MRPS10: variants seen among roughly 807,000 people sequenced by gnomAD.
MRPS10 encodes mitochondrial ribosomal protein S10, also known as small ribosomal subunit protein uS10m.
MRPS10 carries 23 observed loss-of-function variants against 27.5 expected under a neutral mutation model. That is an observed-to-expected ratio of 0.84 (90% confidence interval 0.60 to 1.18). The LOEUF (loss-of-function observed/expected upper bound fraction) is 1.18, where lower values mean the gene tolerates loss of function less well. Among genes scored for constraint, MRPS10 ranks in the 50% most tolerant of loss-of-function variants. The probability of loss-of-function intolerance (pLI) is 0.00; values close to 1 mark genes in which losing one functional copy is unlikely to be tolerated. For synonymous variants in MRPS10, 88 were observed against 84.2 expected, an observed-to-expected ratio of 1.04 and a Z score of -0.25; for missense variants, 237 against 240.1, an observed-to-expected ratio of 0.99 and a Z score of 0.09.
Position 42,208,925 on chromosome 6 carries a change from G to C in MRPS10, c.455C>G (p.Thr152Arg). 1 of 1,609,738 alleles carries C rather than the reference G, an allele frequency of 6.2e-7. No individual in the cohort carries two copies. The highest frequency in any genetic ancestry group is 2.2e-5 in the East Asian group (1 of 44,726). ...AATATATTCCAAGTAGACATCTGCT[G>C]TGCTTCCAGTTAGATGTTCTAACTA... is the stretch of plus-strand genomic sequence containing the variant. ...CLELEHLTGS[T>R]ADVYLEYIQR... is the part of the protein sequence containing the mutation. The change falls in exon 6 of 7, where the codon ACA (threonine) becomes AGA (arginine). Residue 152 changes from threonine (T) to arginine (R), a missense_variant. Coordinates refer to ENST00000053468, the MANE Select transcript of MRPS10 (RefSeq NM_018141.4).
In MRPS10 at chr6:42,216,385, A is replaced by AGTGTGT. The variant is rs1225590522; in HGVS notation, c.48+1411_48+1416dup. 2.8e-3 allele frequency among the ~76,000 whole-genome samples: 167 copies of AGTGTGT among 58,690 alleles called. 4 individuals are homozygous for AGTGTGT. Among genetic ancestry groups the AGTGTGT allele is most frequent in the African/African-American group, 5.9e-3 (132 of 22,494 alleles). The allele number at this position is 58,690 out of a possible 152,430, so 38.5% of individuals were successfully genotyped here. A position where few individuals can be genotyped will look rare whatever the true frequency, so the allele number is the denominator to read the frequency against. ...GAGAGAGAGAGAGAGAGAGAGAGAG[A>AGTGTGT]GTGTGTGTGTGTGTGTGTGTGTGTG... On this transcript the variant is annotated intron_variant, in intron 1 of 6. Coordinates refer to ENST00000053468, the MANE Select transcript of MRPS10 (RefSeq NM_018141.4).
In MRPS10 at chr6:42,209,051, G is replaced by C. The variant is rs1768697025; in HGVS notation, c.433-104C>G. On this transcript the variant is annotated intron_variant, in intron 5 of 6. Coordinates refer to ENST00000053468, the MANE Select transcript of MRPS10 (RefSeq NM_018141.4). The stretch of plus-strand genomic sequence containing the variant: ...GTCTCACTCTGTTGCCTGGGCTGGA[G>C]TGTGTGCAATCTCAGCTCACTGCAA... 5 of 715,988 alleles carry C rather than the reference G, an allele frequency of 7.0e-6. No homozygotes were observed. In the South Asian group the frequency reaches 7.3e-5, roughly 11 times the overall value. 44.4% of individuals were successfully genotyped at this position (715,988 alleles called of 1,614,324 possible).
Position 42,214,311 on chromosome 6 carries a change from C to T in MRPS10, c.82G>A (p.Gly28Ser), listed in dbSNP as rs773491499. ...LGNFSVNTSK[G>S]NTAKNGGLLL... ...AAGCCACCATTTTTGGCTGTATTGC[C>T]CTTAGAAGTGTTTACAGAAAAATTC... The change falls in exon 2 of 7, where the codon GGC becomes AGC. Residue 28 changes from glycine to serine, a missense_variant. Transcript: ENST00000053468. 1.7e-5 allele frequency: 28 copies of T among 1,611,946 alleles called. No homozygotes were observed. Among genetic ancestry groups the T allele is most frequent in the Admixed American group, 3.3e-5 (2 of 59,802 alleles).
In MRPS10 at chr6:42,214,361, T is replaced by C. The variant is rs376273155; in HGVS notation, c.49-17A>G. On this transcript the variant is annotated splice_polypyrimidine_tract_variant and intron_variant, in intron 1 of 6. Coordinates refer to ENST00000053468, the MANE Select transcript of MRPS10 (RefSeq NM_018141.4). ...CCCCAATCCCTAAAGAAAAAAAAAG[T>C]AGGACATGTGTTAGAATTAAAGTCA... 1.9e-6 allele frequency: 3 copies of C among 1,556,966 alleles called. No individual in the cohort carries two copies. Among genetic ancestry groups the C allele is most frequent in the East Asian group, 2.2e-5 (1 of 44,520 alleles).
intron 3 of MRPS10, 32 bp from the exon 4 acceptor site, chr6:42,211,949 T>G (rs202060318): frequency 1.3e-6 from 2 of 1,595,246 alleles, no homozygotes; most frequent in Non-Finnish European, 1.7e-6. Context: ...TCAGTTTTAG[T>G]TCCTCTTCTA....
At chr6:42,217,763 C>T (rs1208940253) in intron 1 of MRPS10, 39 bp downstream of exon 1, 1 of 1,609,314 alleles carries the variant, frequency 6.2e-7, no homozygotes, top group African/African-American at 1.3e-5. Flanking sequence ...AAGCAACTAT[C>T]CCGGTCAGCC....
intron 1 of MRPS10, among the ~76,000 whole-genome samples, chr6:42,216,291 G>A (rs1328477092): frequency 1.3e-5 from 2 of 149,592 alleles, no homozygotes; most frequent in African/African-American, 2.5e-5. Flanking sequence ...CAAAGTGTAG[G>A]GATTACAGGC....
chr6:42,214,018 T>A (rs1277084835), intron 3 of MRPS10, 102 bp downstream of exon 3: 1 of 920,972 alleles, frequency 1.1e-6, no homozygotes, highest in African/African-American at 1.7e-5. Flanking sequence ...AGGACAAAAT[T>A]TTTTTATTCA....
At chr6:42,209,277 C>T (rs971947267) in intron 5 of MRPS10, among the ~76,000 whole-genome samples, 5 of 152,078 alleles carry the variant, frequency 3.3e-5, no homozygotes, top group Non-Finnish European at 1.5e-5. Flanking sequence ...GGATTACAGG[C>T]ATGAGCTACC....
intron 1 of MRPS10, 24 bp from the exon 2 acceptor site, chr6:42,214,368 T>C (rs780671922): frequency 5.8e-6 from 9 of 1,543,184 alleles, no homozygotes; most frequent in South Asian, 1.1e-5. Flanking sequence ...AAGTAGGACA[T>C]GTGTTAGAAT....
chr6:42,208,396 T>C lies in MRPS10; in HGVS notation c.523-24A>G, dbSNP rs766433117. ...GTCTAAAAAAAGAAAGAAACAAAAC[T>C]ATAATGTGGATTTAACAGAACTCTT... is the stretch of plus-strand genomic sequence containing the variant. On this transcript the variant is annotated intron_variant, in intron 6 of 6. Coordinates refer to ENST00000053468, the MANE Select transcript of MRPS10 (RefSeq NM_018141.4). 10 of 1,506,460 alleles carry C rather than the reference T, an allele frequency of 6.6e-6. No individual in the cohort carries two copies. The African/African-American group carries it at 9.7e-5, about 15-fold the overall frequency. 93.3% of individuals were successfully genotyped at this position (1,506,460 alleles called of 1,614,324 possible). A position where few individuals can be genotyped will look rare whatever the true frequency, so the allele number is the denominator to read the frequency against.
rs1039442738 is a variant in MRPS10 at position 42,214,252 on chromosome 6, A to C, written c.113+28T>G. On this transcript the variant is annotated intron_variant, in intron 2 of 6. Transcript: ENST00000053468. ...AATAGCACAAGAACCTATTTTGTTC[A>C]ATTTAGCACATCCAATTGTATACTT... 8.7e-6 allele frequency: 14 copies of C among 1,610,226 alleles called. No individual in the cohort carries two copies. The African/African-American group carries it at 1.5e-4, about 17-fold the overall frequency.
chr6:42,210,709 C>T (rs549706075), intron 4 of MRPS10, 113 bp from the exon 5 acceptor site: 13 of 1,413,482 alleles, frequency 9.2e-6, no homozygotes, highest in East Asian at 5.4e-5. Flanking sequence ...CATTTACAGA[C>T]TTCCATTTGC....
At chr6:42,214,762 A>G (rs1001661268) in intron 1 of MRPS10, among the ~76,000 whole-genome samples, 23 of 152,250 alleles carry the variant, frequency 1.5e-4, no homozygotes, top group African/African-American at 5.3e-4. Flanking sequence ...TAAGAGTTGG[A>G]ATAAAAATTC....
At position 42,214,173 on chromosome 6, in the gene MRPS10, C is replaced by T. The variant is rs376690594; in HGVS notation, c.133G>A (p.Val45Ile). ...GLLLSTNMKWVQFSNLHVDVP... is the reference protein window; with the variant it reads ...GLLLSTNMKWIQFSNLHVDVP... ...TCAACGTGTAGGTTTGAAAACTGTA[C>T]CCACTTCATATTGGTACTGCTATGT... Residue 45 changes from valine (V) to isoleucine (I), a missense_variant, in exon 3 of 7, where the codon GTA (valine) becomes ATA (isoleucine). This residue lies in a region of MRPS10 where 164 missense variants were observed against 137.8 expected (regional missense o/e 1.19). Transcript: ENST00000053468. 8 of 1,613,264 alleles carry T rather than the reference C, an allele frequency of 5.0e-6. No homozygotes were observed. Among genetic ancestry groups the T allele is most frequent in the Non-Finnish European group, 5.9e-6 (7 of 1,179,596 alleles).
chr6:42,214,373 T>C lies in MRPS10; in HGVS notation c.49-29A>G, dbSNP rs375021110. ...AAGAAAAAAAAAGTAGGACATGTGT[T>C]AGAATTAAAGTCAACTACCAAACCA... On this transcript the variant is annotated intron_variant, in intron 1 of 6. Transcript: ENST00000053468. 22 of 1,528,138 alleles carry C rather than the reference T, an allele frequency of 1.4e-5. No homozygotes were observed. In the African/African-American group the frequency reaches 2.9e-4, roughly 20 times the overall value. 94.7% of individuals were successfully genotyped at this position (1,528,138 alleles called of 1,614,324 possible). A position where few individuals can be genotyped will look rare whatever the true frequency, so the allele number is the denominator to read the frequency against.
chr6:42,211,858 A>T lies in MRPS10; in HGVS notation c.246T>A (p.Gly82=). 1.2e-6 allele frequency: 2 copies of T among 1,613,922 alleles called. No homozygotes were observed. Among genetic ancestry groups the T allele is most frequent in the Non-Finnish European group, 1.7e-6 (2 of 1,179,874 alleles). ...AACTGTCCAATACAGCCTTATCGTG[A>T]CCTTTCACCAAAACCGAGAGGCGCT... is the stretch of plus-strand genomic sequence containing the variant. The part of the protein sequence containing the change: ...LYKRLSVLVK[G]HDKAVLDSYE... The change falls in exon 4 of 7, where the codon GGT becomes GGA. Residue 82 remains glycine, a synonymous_variant. Transcript: ENST00000053468.
Position 42,208,177 on chromosome 6 carries a change from G to C in MRPS10, c.*112C>G. The C allele has an allele frequency of 1.3e-6, 1 of 796,370 alleles. No homozygotes were observed. The highest frequency in any genetic ancestry group is 2.5e-5 in the East Asian group (1 of 39,308). The allele number at this position is 796,370 out of a possible 1,614,324, so 49.3% of individuals were successfully genotyped here. ...GCTGATGAGGGCACGAGAACTCAAT[G>C]GAGCAGTTAGGGCAGACTCAAATCA... On this transcript the variant is annotated 3_prime_UTR_variant, in exon 7 of 7. Transcript: ENST00000053468.
At chr6:42,214,092 C>T in intron 3 of MRPS10, 28 bp downstream of exon 3, 2 of 1,569,944 alleles carry the variant, frequency 1.3e-6, no homozygotes, top group South Asian at 1.1e-5. Flanking sequence ...AAGGTAGCTC[C>T]TTATACCAAG....
Sources: gnomAD v4.1 joint callset for allele counts (sites outside exome capture counted in the v4.1 genomes callset) on GRCh38, gnomAD v4.1.1 for gene constraint, gnomAD v4.1.1 regional missense constraint, MANE v1.5 for transcripts, NCBI Gene and HGNC (gene_info 2026-07-23, HGNC 2026-07-21) for gene names.